The following ABCB4 variants were observed in gnomAD, a reference collection of about 807,000 sequenced individuals.
ABCB4 encodes the protein ATP binding cassette subfamily B member 4.
Under a neutral mutation model 145.7 loss-of-function variants are expected in ABCB4, and 76 were observed. That is an observed-to-expected ratio of 0.52 (90% CI 0.43 to 0.63). The LOEUF is 0.63. Ranked by LOEUF, ABCB4 falls within the 30% of genes least tolerant of loss-of-function variation. The probability of loss-of-function intolerance (pLI) is 0.00; values close to 1 mark genes in which losing one functional copy is unlikely to be tolerated. For missense variants in ABCB4, 1,234 were observed against 1,553.1 expected, an observed-to-expected ratio of 0.79 and a Z score of 3.45; for synonymous variants, 517 against 566.8, an observed-to-expected ratio of 0.91 and a Z score of 1.25.
rs1005756910 is a variant in ABCB4, at chr7:87,401,975, T to C, written c.*121A>G. The C allele has an allele frequency of 7.3e-7, 1 of 1,364,692 alleles. No homozygotes were observed. Among genetic ancestry groups the C allele is most frequent in the Non-Finnish European group, 1.0e-6 (1 of 980,878 alleles). 84.5% of individuals were successfully genotyped at this position (1,364,692 alleles called of 1,614,324 possible). A position where few individuals can be genotyped will look rare whatever the true frequency, so the allele number is the denominator to read the frequency against. ...AAACCCCAAATTGGGTCTTCTAAAT[T>C]GATCTAGAATGAGACAGACATACCT... On this transcript the variant is annotated 3_prime_UTR_variant, in exon 28 of 28. Coordinates refer to ENST00000649586, the MANE Select transcript of ABCB4 (RefSeq NM_000443.4).
At chr7:87,381,654 C>T in the ABCB4 span, among the ~76,000 whole-genome samples, 3 of 152,150 alleles carry the variant, frequency 2.0e-5, no homozygotes, top group Non-Finnish European at 4.4e-5. Context: ...ATTTTATACA[C>T]CCTCATGACC....
At chr7:87,438,843 A>G (rs1810787246) in intron 14 of ABCB4, among the ~76,000 whole-genome samples, 1 of 152,246 alleles carries the variant, frequency 6.6e-6, no homozygotes, top group African/African-American at 2.4e-5. Context: ...AGGTTAACTT[A>G]GGATTCAGAT....
chr7:87,431,331 GATC>G, intron 15 of ABCB4, 70 bp downstream of exon 15: 2 of 1,584,176 alleles, frequency 1.3e-6, no homozygotes, highest in Non-Finnish European at 8.7e-7. Flanking sequence ...GCATTCACTG[GATC>G]ATATTTTAAT....
rs765784054 is a variant in ABCB4, at chr7:87,409,348, G to A, written c.2969C>T (p.Ala990Val). The change falls in exon 24 of 28, where the codon GCC becomes GTC. Residue 990 changes from alanine (A) to valine (V), a missense_variant. Physicochemically the swap from Ala to Val is moderately conservative, Grantham distance 64. This residue lies in a region of ABCB4 where 301 missense variants were observed against 389.0 expected (regional missense o/e 0.77). Transcript: ENST00000649586. ...AGCATAGTCTGGAGCAAATGAACTG[G>A]CATGTCCTAGAGCCACTGCACCAAA... ...IVFGAVALGH[A>V]SSFAPDYAKA... 3.1e-6 allele frequency: 5 copies of A among 1,614,082 alleles called. No individual in the cohort carries two copies. In the East Asian group the frequency reaches 1.1e-4, roughly 36 times the overall value.
Position 87,462,782 on chromosome 7 carries a change from T to C in ABCB4, c.262A>G (p.Thr88Ala). ...FGEMTDKFVD[T>A]AGNFSFPVNF... is the part of the protein sequence containing the mutation. ...CCTGGAAAGGAGAAGTTTCCTGCAG[T>C]ATCAACAAATTTGTCAGTCATCTCT... Residue 88 changes from threonine to alanine, a missense_variant, in exon 4 of 28, where the codon ACT becomes GCT. Transcript: ENST00000649586. The C allele has an allele frequency of 1.9e-6, 3 of 1,613,996 alleles. No individual in the cohort carries two copies. In the South Asian group the frequency reaches 3.3e-5, roughly 18 times the overall value.
intron 27 of ABCB4, 109 bp downstream of exon 27, chr7:87,403,026 C>A: frequency 8.3e-7 from 1 of 1,209,556 alleles, no homozygotes; most frequent in Non-Finnish European, 1.2e-6. Flanking sequence ...CACTATCTAA[C>A]GTTCTGTGTT....
chr7:87,375,333 T>G, the ABCB4 span: 6 of 260,974 alleles, frequency 2.3e-5, no homozygotes, highest in Non-Finnish European at 4.4e-5. Flanking sequence ...AAAAAGGATA[T>G]TTACTTGCAA....
chr7:87,443,231 C>A lies in ABCB4; in HGVS notation c.1356+88G>T. On this transcript the variant is annotated intron_variant, in intron 12 of 27. Transcript: ENST00000649586. Reference sequence around the variant, plus strand: ...AGGCTTTTTACCAAAACTGGATTCACACGCAAATTTGTTACTGAAAAACCA... The same window carrying A: ...AGGCTTTTTACCAAAACTGGATTCAAACGCAAATTTGTTACTGAAAAACCA... 1.9e-6 allele frequency: 3 copies of A among 1,557,146 alleles called. No individual in the cohort carries two copies. The South Asian group carries it at 3.3e-5, about 17-fold the overall frequency.
chr7:87,369,320 C>T, the ABCB4 span: 1 of 1,213,880 alleles, frequency 8.2e-7, no homozygotes, highest in African/African-American at 1.5e-5. Flanking sequence ...ATATATGCAT[C>T]TTTACTCCTG....
the ABCB4 span, among the ~76,000 whole-genome samples, chr7:87,381,697 C>G: frequency 6.6e-6 from 1 of 152,140 alleles, no homozygotes; most frequent in African/African-American, 2.4e-5. Context: ...CTAGGTGCTT[C>G]CAAATTTAAA....
intron 14 of ABCB4, among the ~76,000 whole-genome samples, chr7:87,437,166 A>G (rs140187627): frequency 6.6e-6 from 1 of 152,332 alleles, no homozygotes; most frequent in Non-Finnish European, 1.5e-5. Flanking sequence ...GGGCTAGCCT[A>G]TGACTTGCTG....
In ABCB4 at chr7:87,402,192, C is replaced by G; in HGVS notation, c.3744G>C (p.Gly1248=). 1.2e-6 allele frequency: 2 copies of G among 1,614,094 alleles called. No homozygotes were observed. The highest frequency in any genetic ancestry group is 8.5e-7 in the Non-Finnish European group (1 of 1,180,004). The stretch of plus-strand genomic sequence containing the variant: ...GATGCGTGCCATGCTCCTTGACTCT[C>G]CCATTCTGAAACACCACTATTAAGT... The part of the protein sequence containing the change: ...NADLIVVFQN[G]RVKEHGTHQQ... Residue 1248 remains glycine, a synonymous_variant, in exon 28 of 28, where the codon GGG becomes GGC. Transcript: ENST00000649586.
intron 14 of ABCB4, among the ~76,000 whole-genome samples, chr7:87,436,682 A>G (rs547048418): frequency 6.6e-6 from 1 of 151,828 alleles, no homozygotes; most frequent in East Asian, 1.9e-4. Context: ...TAGGGAACCC[A>G]CTCCTGGGGA....
chr7:87,422,068 TTTCTC>T, intron 18 of ABCB4, 48 bp downstream of exon 18: 6 of 1,290,396 alleles, frequency 4.6e-6, no homozygotes, highest in Admixed American at 1.9e-5. Context: ...TTTAATTTAA[TTTCTC>T]TAATTAAATT....
intron 3 of ABCB4, among the ~76,000 whole-genome samples, chr7:87,464,353 T>G (rs1812704995): frequency 6.6e-6 from 1 of 152,086 alleles, no homozygotes; most frequent in African/African-American, 2.4e-5. Flanking sequence ...AGGCAGAGCT[T>G]GGATAAAACA....
At chr7:87,416,155 G>A (rs1028725846) in intron 21 of ABCB4, among the ~76,000 whole-genome samples, 7 of 152,202 alleles carry the variant, frequency 4.6e-5, no homozygotes, top group African/African-American at 1.4e-4. Flanking sequence ...AATTCTGATG[G>A]AAACCTGGAG....
At chr7:87,393,025 T>TA in the ABCB4 span, 1,593 of 1,613,598 alleles carry the variant, frequency 9.9e-4, 1 homozygote, top group Non-Finnish European at 1.3e-3. Flanking sequence ...GTTCCCATGG[T>TA]ACACAATGGT....
the ABCB4 span, chr7:87,375,864 T>C: frequency 6.2e-7 from 1 of 1,613,598 alleles, no homozygotes; most frequent in Non-Finnish European, 8.5e-7. Flanking sequence ...TCCAGAGAAC[T>C]TGGCTTTGTT....
chr7:87,459,903 T>C (rs1812339426), intron 4 of ABCB4, among the ~76,000 whole-genome samples: 1 of 152,234 alleles, frequency 6.6e-6, no homozygotes, highest in South Asian at 2.1e-4. Context: ...AATGGTGCTT[T>C]ATGGTTTGAA....
Sources: allele counts gnomAD v4.1 joint callset (sites outside exome capture counted in the v4.1 genomes callset), GRCh38; gene constraint gnomAD v4.1.1; regional missense constraint gnomAD v4.1.1; transcripts MANE v1.5; gene names NCBI Gene and HGNC (gene_info 2026-07-23, HGNC 2026-07-21).